Variants in DNAJC13 observed in about 807,000 individuals in gnomAD.
DNAJC13 encodes the protein dnaJ homolog subfamily C member 13.
A neutral mutation model predicts 290.5 loss-of-function variants in DNAJC13; 75 were observed. The ratio of observed to expected loss-of-function variants is 0.26; its 90% CI spans 0.21 to 0.31. The LOEUF (loss-of-function observed/expected upper bound fraction) is 0.31, where lower values mean the gene tolerates loss of function less well. Ranked by LOEUF, DNAJC13 falls within the 10% of genes least tolerant of loss-of-function variation. The pLI is 1.00. For missense variants in DNAJC13, 2,260 were observed against 2,674.5 expected (o/e 0.85, Z 3.42); for synonymous variants, 862 against 892.0 (o/e 0.97, Z 0.60).
At chr3:132,425,323 A>T (rs1939061791) in intron 1 of DNAJC13, among the ~76,000 whole-genome samples, 1 of 152,158 alleles carries the variant, frequency 6.6e-6, no homozygotes, top group African/African-American at 2.4e-5. Flanking sequence ...GGAATGTAGC[A>T]TTGTTTCTGT....
At chr3:132,502,199 T>G in intron 39 of DNAJC13, 90 bp from the exon 40 acceptor site, 11 of 1,182,356 alleles carry the variant, frequency 9.3e-6, no homozygotes, top group Admixed American at 2.5e-5. Context: ...GTGGTTGGCT[T>G]GACATACATG....
At chr3:132,532,383 G>A (rs866991383) in intron 55 of DNAJC13, among the ~76,000 whole-genome samples, 1 of 152,088 alleles carries the variant, frequency 6.6e-6, no homozygotes, top group Middle Eastern at 3.4e-3. Context: ...CTTTAATATT[G>A]ACACTCCTAA....
intron 29 of DNAJC13, among the ~76,000 whole-genome samples, chr3:132,487,716 A>G (rs1038998398): frequency 3.3e-5 from 5 of 152,084 alleles, no homozygotes; most frequent in African/African-American, 7.3e-5. Context: ...GCAATTCTGT[A>G]TGGTTTTTAA....
intron 50 of DNAJC13, 47 bp from the exon 51 acceptor site, chr3:132,523,493 T>C (rs778178878): frequency 2.8e-5 from 45 of 1,582,828 alleles, no homozygotes; most frequent in Admixed American, 3.7e-5. Context: ...CATTTCTAGC[T>C]TCAAGATTAT....
Position 132,531,110 on chromosome 3 carries a change from T to TGTCTTAC in DNAJC13, c.6625+13_6625+14insGTCTTAC. The TGTCTTAC allele has an allele frequency of 1.2e-6, 2 of 1,611,532 alleles. No individual in the cohort carries two copies. The highest frequency in any genetic ancestry group is 1.3e-5 in the African/African-American group (1 of 74,996). ...GGATACCTCACAGGTAAGCCATACC[T>TGTCTTAC]AATTGGTTATTGTAAGACACCTGGC... is the stretch of plus-strand genomic sequence containing the variant. On this transcript the variant is annotated intron_variant, in intron 55 of 55. Coordinates refer to ENST00000260818, the MANE Select transcript of DNAJC13 (RefSeq NM_015268.4).
intron 46 of DNAJC13, chr3:132,514,890 AAAG>A: frequency 2.5e-6 from 1 of 392,358 alleles, no homozygotes; most frequent in Admixed American, 4.8e-5. Context: ...GTCCAAAACC[AAAG>A]GAAAATAACC....
At chr3:132,428,861 A>G (rs1939172193) in intron 1 of DNAJC13, among the ~76,000 whole-genome samples, 1 of 151,938 alleles carries the variant, frequency 6.6e-6, no homozygotes, top group Non-Finnish European at 1.5e-5. Context: ...CAGCCTCCCA[A>G]GTAGCTGGGA....
intron 2 of DNAJC13, among the ~76,000 whole-genome samples, chr3:132,441,042 C>G (rs16839251): frequency 0.017 from 2,634 of 152,258 alleles, 83 homozygotes; most frequent in African/African-American, 0.06. Flanking sequence ...ACTGGATTCT[C>G]AAGCTTTTAA....
chr3:132,475,562 A>G (rs1934443593), intron 22 of DNAJC13, among the ~76,000 whole-genome samples: 1 of 152,188 alleles, frequency 6.6e-6, no homozygotes, highest in African/African-American at 2.4e-5. Flanking sequence ...GTGTGGGTGT[A>G]TATATAGTTG....
At chr3:132,526,652 C>T (rs1451159193) in intron 53 of DNAJC13, among the ~76,000 whole-genome samples, 3 of 152,158 alleles carry the variant, frequency 2.0e-5, no homozygotes, top group African/African-American at 2.4e-5. Flanking sequence ...GTGCTTCATC[C>T]TCTTTGGAAA....
chr3:132,454,954 T>C (rs1576469369), intron 9 of DNAJC13, among the ~76,000 whole-genome samples: 1 of 152,288 alleles, frequency 6.6e-6, no homozygotes, highest in Non-Finnish European at 1.5e-5. Flanking sequence ...AAGCAACTTC[T>C]TTGTGACTTG....
chr3:132,494,128 ATC>A lies in DNAJC13; in HGVS notation c.3826-14_3826-13del, dbSNP rs1402850277. On this transcript the variant is annotated splice_polypyrimidine_tract_variant and intron_variant, in intron 33 of 55. Transcript: ENST00000260818. ...TAGTTTTACTTTGATATAAATTTTA[ATC>A]TTTTGTCTTTAAGGTTAAGCTTCTA... 3 of 1,516,694 alleles carry A rather than the reference ATC, an allele frequency of 2.0e-6. No homozygotes were observed. Among genetic ancestry groups the A allele is most frequent in the Admixed American group, 4.1e-5 (2 of 49,212 alleles). 94.0% of individuals were successfully genotyped at this position (1,516,694 alleles called of 1,614,324 possible). A position where few individuals can be genotyped will look rare whatever the true frequency, so the allele number is the denominator to read the frequency against.
intron 24 of DNAJC13, 69 bp downstream of exon 24, chr3:132,478,209 T>C (rs1468298012): frequency 6.1e-6 from 8 of 1,321,632 alleles, no homozygotes; most frequent in Non-Finnish European, 8.2e-6. Flanking sequence ...TTTTAAAAAC[T>C]AAATTTAAAT....
intron 55 of DNAJC13, among the ~76,000 whole-genome samples, chr3:132,531,776 G>A (rs547068447): frequency 1.3e-4 from 19 of 150,470 alleles, no homozygotes; most frequent in Non-Finnish European, 2.5e-4. Flanking sequence ...CAGCCTGGGC[G>A]ACAGAGCAAG....
chr3:132,425,681 A>T (rs1939071187), intron 1 of DNAJC13, among the ~76,000 whole-genome samples: 1 of 152,164 alleles, frequency 6.6e-6, no homozygotes, highest in Non-Finnish European at 1.5e-5. Context: ...AATTACTTCC[A>T]GTTGATGATG....
chr3:132,494,957 A>T, intron 34 of DNAJC13, 131 bp from the exon 35 acceptor site: 1 of 508,042 alleles, frequency 2.0e-6, no homozygotes, highest in Non-Finnish European at 3.3e-6. Flanking sequence ...TTCTGGGTTT[A>T]ATTTGAAGCC....
intron 46 of DNAJC13, among the ~76,000 whole-genome samples, chr3:132,515,212 A>G (rs1935885600): frequency 1.3e-5 from 2 of 152,194 alleles, no homozygotes; most frequent in East Asian, 3.8e-4. Flanking sequence ...ATTGCTTTTC[A>G]AAGGCAGGAA....
intron 20 of DNAJC13, among the ~76,000 whole-genome samples, chr3:132,471,249 C>T (rs1206493695): frequency 2.2e-5 from 3 of 138,206 alleles, no homozygotes; most frequent in Non-Finnish European, 4.8e-5. Flanking sequence ...GGGGGCTGAC[C>T]CCCCCACCTC....
At chr3:132,473,070 A>G (rs1934338757) in intron 20 of DNAJC13, 75 bp from the exon 21 acceptor site, 3 of 948,200 alleles carry the variant, frequency 3.2e-6, no homozygotes, top group East Asian at 2.5e-5. Context: ...CTCATCACGT[A>G]TAAATTGATG....
Sources: allele counts gnomAD v4.1 joint callset (sites outside exome capture counted in the v4.1 genomes callset), GRCh38; gene constraint gnomAD v4.1.1; transcripts MANE v1.5; gene names NCBI Gene and HGNC (gene_info 2026-07-23, HGNC 2026-07-21).